Variants in DLG2 observed in about 807,000 individuals in gnomAD.
DLG2 encodes disks large homolog 2.
A neutral mutation model predicts 132.5 loss-of-function variants in DLG2; 45 were observed. That is an observed-to-expected ratio of 0.34 (90% CI 0.27 to 0.44). The LOEUF (loss-of-function observed/expected upper bound fraction) is 0.44, where lower values mean the gene tolerates loss of function less well. DLG2 is among the 20% of genes least tolerant of loss of function. The pLI, the probability that DLG2 is intolerant of heterozygous loss-of-function variation, is 1.00. For synonymous variants in DLG2, 424 were observed against 419.6 expected (o/e 1.01, Z -0.13); for missense variants, 1,045 against 1,196.9 (o/e 0.87, Z 1.87).
chr11:83,726,748 A>AAAACAAACAAAC lies in DLG2; in HGVS notation c.1825+59930_1825+59941dup, dbSNP rs60924473. On this transcript the variant is annotated intron_variant, in intron 18 of 27. Coordinates refer to ENST00000376104, the MANE Select transcript of DLG2 (RefSeq NM_001142699.3). Reference sequence around the variant, plus strand: ...CCCTGAGAGACATCAGATCTGCCTGAAAACAAACAAACAAACAAACAAACA... The same window carrying AAAACAAACAAAC: ...CCCTGAGAGACATCAGATCTGCCTGAAAACAAACAAACAAACAAACAAACAAACAAACAAACA... Among the ~76,000 whole-genome samples the AAAACAAACAAAC allele has an allele frequency of 1.9e-3, 280 of 150,308 alleles. 2 individuals carry two copies. The highest frequency in any genetic ancestry group is 4.3e-3 in the African/African-American group (174 of 40,732).
chr11:84,114,592 G>A (rs1242295725), intron 9 of DLG2, among the ~76,000 whole-genome samples: 1 of 152,178 alleles, frequency 6.6e-6, no homozygotes, highest in Non-Finnish European at 1.5e-5. Context: ...CTCCTAAAGA[G>A]AAAAGATTTT....
intron 3 of DLG2, among the ~76,000 whole-genome samples, chr11:85,556,784 C>T (rs981268103): frequency 4.6e-5 from 7 of 151,724 alleles, no homozygotes; most frequent in African/African-American, 1.7e-4. Context: ...GTAGAGCCTA[C>T]AGAATTTTTC....
chr11:84,625,263 A>C (rs902844294), intron 6 of DLG2, among the ~76,000 whole-genome samples: 5 of 152,122 alleles, frequency 3.3e-5, no homozygotes, highest in Non-Finnish European at 2.9e-5. Context: ...TGTTCCTAGG[A>C]CACTATTCAT....
rs1019556850 is a variant in DLG2 at position 84,942,569 on chromosome 11, A to G, written c.357+169092T>C. 3.9e-5 allele frequency among the ~76,000 whole-genome samples: 6 copies of G among 152,114 alleles called. No individual in the cohort carries two copies. In the East Asian group the frequency reaches 1.2e-3, roughly 29 times the overall value. The stretch of plus-strand genomic sequence containing the variant: ...TATTATTGATTTTTAGTTTTATCCC[A>G]TTGTGGACAGGGAAGATATTTTAAA... On this transcript the variant is annotated intron_variant, in intron 6 of 27. Coordinates refer to ENST00000376104, the MANE Select transcript of DLG2 (RefSeq NM_001142699.3).
At chr11:84,691,598 T>C (rs1285956679) in intron 6 of DLG2, among the ~76,000 whole-genome samples, 1 of 151,734 alleles carries the variant, frequency 6.6e-6, no homozygotes, top group African/African-American at 2.4e-5. Context: ...TTTTCTCACA[T>C]AAAATAATTT....
intron 7 of DLG2, chr11:84,317,450 A>G (rs2098372447): frequency 2.1e-6 from 2 of 946,356 alleles, no homozygotes; most frequent in Non-Finnish European, 2.7e-6. Context: ...ACAAGACTGT[A>G]CACTGTGTTA....
chr11:83,577,770 A>T (rs1449040937), intron 19 of DLG2, among the ~76,000 whole-genome samples: 1 of 127,146 alleles, frequency 7.9e-6, no homozygotes, highest in African/African-American at 3.0e-5. Context: ...TTAAATTAAA[A>T]ATATTAAATA....
At chr11:84,111,710 C>A (rs1199367855) in intron 9 of DLG2, among the ~76,000 whole-genome samples, 1 of 152,178 alleles carries the variant, frequency 6.6e-6, no homozygotes, top group South Asian at 2.1e-4. Context: ...TCAAATTCTG[C>A]AAACCAAATA....
chr11:84,545,362 T>A, intron 6 of DLG2: 1 of 526,622 alleles, frequency 1.9e-6, no homozygotes, highest in Non-Finnish European at 3.7e-6. Context: ...AAATCCATTA[T>A]AGCCATCCCA....
rs2067582441 is a variant in DLG2, at chr11:84,761,198, A to G, written c.358-226467T>C. Among the ~76,000 whole-genome samples, 4 of 152,310 alleles carry G rather than the reference A, an allele frequency of 2.6e-5. No individual in the cohort carries two copies. The South Asian group carries it at 8.3e-4, about 32-fold the overall frequency. On this transcript the variant is annotated intron_variant, in intron 6 of 27. Transcript: ENST00000376104. ...AACACCTAAACCAAGCTGGCTAATC[A>G]GATTCTCTTTCTTGGGATTTTAGAA...
chr11:83,548,703 A>C (rs960455326), intron 19 of DLG2, among the ~76,000 whole-genome samples: 1 of 152,136 alleles, frequency 6.6e-6, no homozygotes, highest in Non-Finnish European at 1.5e-5. Flanking sequence ...TAGATAAAGA[A>C]GTTAAGAACT....
At chr11:85,527,986 T>C (rs895854717) in intron 3 of DLG2, among the ~76,000 whole-genome samples, 4 of 152,164 alleles carry the variant, frequency 2.6e-5, no homozygotes, top group African/African-American at 9.6e-5. Context: ...TTGTCTTCTT[T>C]GAGAAGTGTC....
intron 8 of DLG2, among the ~76,000 whole-genome samples, chr11:84,191,306 T>C (rs2096404002): frequency 6.6e-6 from 1 of 152,232 alleles, no homozygotes; most frequent in Non-Finnish European, 1.5e-5. Context: ...AAGATATGAC[T>C]ACACATAGAA....
chr11:84,840,799 C>T (rs1474979333), intron 6 of DLG2, among the ~76,000 whole-genome samples: 1 of 151,956 alleles, frequency 6.6e-6, no homozygotes, highest in Non-Finnish European at 1.5e-5. Flanking sequence ...AATGAGAACA[C>T]TTGGACACAG....
At chr11:84,780,873 T>C (rs1350521775) in intron 6 of DLG2, among the ~76,000 whole-genome samples, 1 of 151,970 alleles carries the variant, frequency 6.6e-6, no homozygotes, top group Non-Finnish European at 1.5e-5. Flanking sequence ...CTTTATGCCA[T>C]TATAGTTTTT....
chr11:83,704,607 A>AG (rs1410284705), intron 18 of DLG2, among the ~76,000 whole-genome samples: 1 of 150,634 alleles, frequency 6.6e-6, no homozygotes, highest in African/African-American at 2.4e-5. Flanking sequence ...ACCTGAGGTC[A>AG]GGAGTTCGAG....
At chr11:85,227,789 G>A (rs1394646634) in intron 4 of DLG2, among the ~76,000 whole-genome samples, 1 of 151,912 alleles carries the variant, frequency 6.6e-6, no homozygotes, top group African/African-American at 2.4e-5. Flanking sequence ...CCACCTACCT[G>A]GCCTCATCTG....
chr11:85,245,537 C>T (rs1198897057), intron 4 of DLG2, among the ~76,000 whole-genome samples: 1 of 151,988 alleles, frequency 6.6e-6, no homozygotes, highest in African/African-American at 2.4e-5. Context: ...CATTTCCAAC[C>T]ATTATACAAT....
chr11:83,921,831 A>G (rs1281882509), intron 15 of DLG2, among the ~76,000 whole-genome samples: 1 of 146,756 alleles, frequency 6.8e-6, no homozygotes, highest in African/African-American at 2.6e-5. Flanking sequence ...TCTCAGATAG[A>G]GATATTATCT....
Sources: allele counts gnomAD v4.1 joint callset (sites outside exome capture counted in the v4.1 genomes callset), GRCh38; gene constraint gnomAD v4.1.1; transcripts MANE v1.5; gene names NCBI Gene and HGNC (gene_info 2026-07-23, HGNC 2026-07-21).